Variants in NFXL1 observed in about 807,000 individuals in gnomAD.
NFXL1 encodes NF-X1-type zinc finger protein NFXL1.
NFXL1 carries 66 observed loss-of-function variants against 123.3 expected under a neutral mutation model. That is an observed-to-expected ratio of 0.54 (90% confidence interval 0.44 to 0.66). The LOEUF is 0.66. NFXL1 is among the 30% of genes least tolerant of loss of function. The probability of loss-of-function intolerance (pLI) is 0.00; values close to 1 mark genes in which losing one functional copy is unlikely to be tolerated. For synonymous variants in NFXL1, 346 were observed against 360.8 expected, an observed-to-expected ratio of 0.96 and a Z score of 0.46; for missense variants, 944 against 1,125.6, an observed-to-expected ratio of 0.84 and a Z score of 2.31.
At chr4:47,902,768 T>G (rs1308070313) in intron 5 of NFXL1, among the ~76,000 whole-genome samples, 1 of 152,240 alleles carries the variant, frequency 6.6e-6, no homozygotes, top group African/African-American at 2.4e-5. Context: ...TTCCACATCT[T>G]CACACACCAA....
chr4:47,892,102 A>C (rs2110090082), intron 11 of NFXL1, among the ~76,000 whole-genome samples: 1 of 152,324 alleles, frequency 6.6e-6, no homozygotes, highest in East Asian at 1.9e-4. Context: ...GAGTAACAAC[A>C]ACCAGATTTA....
At chr4:47,849,848 C>G (rs1734016646) in intron 22 of NFXL1, among the ~76,000 whole-genome samples, 1 of 152,090 alleles carries the variant, frequency 6.6e-6, no homozygotes, top group African/African-American at 2.4e-5. Flanking sequence ...ACACAAACAT[C>G]TTCTTGTATA....
intron 18 of NFXL1, among the ~76,000 whole-genome samples, chr4:47,872,017 AT>A (rs1292417385): frequency 6.6e-6 from 1 of 152,128 alleles, no homozygotes; most frequent in Non-Finnish European, 1.5e-5. Flanking sequence ...TAAAAGGGAA[AT>A]TTTTTTCTTC....
intron 3 of NFXL1, among the ~76,000 whole-genome samples, chr4:47,908,847 CG>C (rs1737685293): frequency 6.8e-6 from 1 of 146,326 alleles, no homozygotes; most frequent in Non-Finnish European, 1.5e-5. Context: ...CCCAGCTACT[CG>C]GGAGGCTGAG....
chr4:47,862,181 C>G (rs1175770853), intron 19 of NFXL1, among the ~76,000 whole-genome samples: 2 of 152,138 alleles, frequency 1.3e-5, no homozygotes, highest in East Asian at 3.9e-4. Context: ...AGTTTCTTTA[C>G]CTTTTTACTT....
At position 47,859,863 on chromosome 4, in the gene NFXL1, A is replaced by AAAAAC. The variant is rs1560581972; in HGVS notation, c.2316+2982_2316+2983insGTTTT. Among the ~76,000 whole-genome samples the AAAAAC allele has an allele frequency of 2.2e-3, 106 of 47,926 alleles. 1 individual carries two copies. Among genetic ancestry groups the AAAAAC allele is most frequent in the African/African-American group, 7.3e-3 (99 of 13,580 alleles). The allele number at this position is 47,926 out of a possible 152,430, so 31.4% of individuals were successfully genotyped here. ...TCTCAAAAAAAAAAAAAAAAAAAAA[A>AAAAAC]AAAAAAACAAACAAACAAAAAAAGT... On this transcript the variant is annotated intron_variant, in intron 19 of 22. Transcript: ENST00000507489.
intron 18 of NFXL1, among the ~76,000 whole-genome samples, chr4:47,870,252 A>T (rs1735351634): frequency 6.6e-6 from 1 of 152,218 alleles, no homozygotes; most frequent in Admixed American, 6.5e-5. Flanking sequence ...AAAATTATAG[A>T]CTAATACAAT....
intron 15 of NFXL1, among the ~76,000 whole-genome samples, chr4:47,879,953 CA>C (rs1375567148): frequency 6.6e-6 from 1 of 151,960 alleles, no homozygotes; most frequent in Non-Finnish European, 1.5e-5. Context: ...ATGTAAAATG[CA>C]AAACTATAAA....
At chr4:47,869,358 C>T (rs1283300410) in intron 18 of NFXL1, among the ~76,000 whole-genome samples, 2 of 152,136 alleles carry the variant, frequency 1.3e-5, no homozygotes, top group African/African-American at 2.4e-5. Flanking sequence ...CCTGATTTTA[C>T]GATATTACAT....
At chr4:47,892,427 G>A (rs549966110) in intron 11 of NFXL1, among the ~76,000 whole-genome samples, 1 of 152,288 alleles carries the variant, frequency 6.6e-6, no homozygotes, top group East Asian at 1.9e-4. Context: ...AGAACTTCTT[G>A]GGTCTTTGGC....
At position 47,851,089 on chromosome 4, in the gene NFXL1, G is replaced by A. The variant is rs779081220; in HGVS notation, c.2562+6C>T. ...AGACATAAATCTGGGTATTTTGTTT[G>A]GTTACCTGTTGTCTTCGTTTTTCTT... is the stretch of plus-strand genomic sequence containing the variant. On this transcript the variant is annotated splice_donor_region_variant and intron_variant, in intron 22 of 22. Transcript: ENST00000507489. 6.2e-7 allele frequency: 1 copy of A among 1,605,824 alleles called. No individual in the cohort carries two copies. The highest frequency in any genetic ancestry group is 8.5e-7 in the Non-Finnish European group (1 of 1,172,670).
chr4:47,871,137 T>A (rs1200212020), intron 18 of NFXL1, among the ~76,000 whole-genome samples: 2 of 152,066 alleles, frequency 1.3e-5, no homozygotes, highest in East Asian at 3.9e-4. Context: ...GATCACGAGG[T>A]CAGGAGATCA....
chr4:47,901,668 C>T (rs1737360903), intron 5 of NFXL1, among the ~76,000 whole-genome samples: 2 of 152,048 alleles, frequency 1.3e-5, no homozygotes, highest in Admixed American at 1.3e-4. Flanking sequence ...TAAGAGATAA[C>T]TCAGGTGGAA....
chr4:47,859,915 C>G (rs900639198), intron 19 of NFXL1, among the ~76,000 whole-genome samples: 2 of 132,024 alleles, frequency 1.5e-5, no homozygotes, highest in Non-Finnish European at 1.6e-5. Context: ...CTCACTCATA[C>G]GTGAAATATA....
In NFXL1 at chr4:47,847,626, A is replaced by G. The variant is rs1045852129; in HGVS notation, c.*537T>C. On this transcript the variant is annotated 3_prime_UTR_variant, in exon 23 of 23. Transcript: ENST00000507489. ...TATTCTGAAGAACACGCCCCATGAC[A>G]TTTATTGATAAAAATTCCTCACTAA... is the stretch of plus-strand genomic sequence containing the variant. 6.6e-6 allele frequency: 1 copy of G among 152,592 alleles called. No individual in the cohort carries two copies. Among genetic ancestry groups the G allele is most frequent in the African/African-American group, 2.4e-5 (1 of 41,426 alleles). The allele number at this position is 152,592 out of a possible 1,614,324, so 9.5% of individuals were successfully genotyped here. A position where few individuals can be genotyped will look rare whatever the true frequency, so the allele number is the denominator to read the frequency against.
At chr4:47,859,838 T>C (rs1734628749) in intron 19 of NFXL1, among the ~76,000 whole-genome samples, 1 of 59,402 alleles carries the variant, frequency 1.7e-5, no homozygotes. Context: ...TGAGACTCCA[T>C]CTCAAAAAAA....
chr4:47,871,076 T>C (rs1735397973), intron 18 of NFXL1, among the ~76,000 whole-genome samples: 1 of 152,178 alleles, frequency 6.6e-6, no homozygotes, highest in South Asian at 2.1e-4. Flanking sequence ...TTGGCAAGTT[T>C]TTATTTGTTT....
At chr4:47,883,456 C>T (rs1254923968) in intron 15 of NFXL1, among the ~76,000 whole-genome samples, 2 of 152,116 alleles carry the variant, frequency 1.3e-5, no homozygotes, top group East Asian at 3.9e-4. Flanking sequence ...TAACTTAAGT[C>T]CTCAGTAAAA....
Position 47,878,567 on chromosome 4 carries a change from G to T in NFXL1, c.2037C>A (p.Cys679Ter). 6.2e-7 allele frequency: 1 copy of T among 1,602,708 alleles called. No individual in the cohort carries two copies. The highest frequency in any genetic ancestry group is 8.5e-7 in the Non-Finnish European group (1 of 1,174,684). Residue 679 changes from cysteine to a stop codon, truncating the protein, a stop_gained, in exon 17 of 23, where the codon TGC (cysteine) becomes TGA (stop). Transcript: ENST00000507489. LOFTEE classifies it high-confidence loss of function. ...AGCCATCAGTTTTGGTTACTTTGTG[G>T]CATTCTTTCATACATGTGTGATTCT... is the stretch of plus-strand genomic sequence containing the variant. ...DCQNHTCMKE[C>*]HKVTKTDGCT...
Sources: allele counts gnomAD v4.1 joint callset (sites outside exome capture counted in the v4.1 genomes callset), GRCh38; gene constraint gnomAD v4.1.1; transcripts MANE v1.5; gene names NCBI Gene and HGNC (gene_info 2026-07-23, HGNC 2026-07-21).